Variants in IQUB observed in about 807,000 individuals in gnomAD.
The protein encoded by IQUB is IQ motif and ubiquitin domain containing.
Under a neutral mutation model 86.4 loss-of-function variants are expected in IQUB, and 86 were observed. That is an observed-to-expected ratio of 1.00 (90% CI 0.84 to 1.19). IQUB has a LOEUF of 1.19. Ranked by LOEUF, IQUB falls within the 50% of genes most tolerant of loss-of-function variation. The pLI is 0.00. For missense variants in IQUB, 946 were observed against 916.9 expected (o/e 1.03, Z -0.41); for synonymous variants, 289 against 304.5 (o/e 0.95, Z 0.53).
intron 1 of IQUB, among the ~76,000 whole-genome samples, chr7:123,527,688 G>C (rs529702354): frequency 1.3e-3 from 199 of 152,282 alleles, no homozygotes; most frequent in African/African-American, 4.7e-3. Context: ...ATCTCCAGCT[G>C]CGTGCTGGGA....
chr7:123,460,145 C>T (rs964685116), intron 11 of IQUB, among the ~76,000 whole-genome samples: 2 of 151,862 alleles, frequency 1.3e-5, no homozygotes, highest in South Asian at 4.1e-4. Context: ...TACTTAGTAG[C>T]GTAAACTTGG....
At chr7:123,455,645 G>T (rs901431561) in intron 12 of IQUB, among the ~76,000 whole-genome samples, 1 of 152,032 alleles carries the variant, frequency 6.6e-6, no homozygotes, top group Admixed American at 6.6e-5. Flanking sequence ...TCACAAATTT[G>T]TCCAATTTCT....
chr7:123,497,101 A>T (rs1167372542), intron 6 of IQUB, among the ~76,000 whole-genome samples, 195 bp from the exon 7 acceptor site: 1 of 152,152 alleles, frequency 6.6e-6, no homozygotes, highest in Non-Finnish European at 1.5e-5. Flanking sequence ...TGACTTTGAC[A>T]TCTCGCAAAT....
At chr7:123,512,826 TC>T (rs1271003928) in intron 1 of IQUB, among the ~76,000 whole-genome samples, 1 of 151,862 alleles carries the variant, frequency 6.6e-6, no homozygotes, top group Non-Finnish European at 1.5e-5. Flanking sequence ...TGACCTCTGC[TC>T]CCCCCAAATA....
At chr7:123,501,047 T>C (rs1297290810) in intron 6 of IQUB, 2 of 152,208 alleles carry the variant, frequency 1.3e-5, no homozygotes, top group African/African-American at 4.8e-5. Flanking sequence ...TCACACACTT[T>C]TGCAGTAGGG....
intron 9 of IQUB, among the ~76,000 whole-genome samples, chr7:123,468,626 T>C (rs1218204390): frequency 1.3e-5 from 2 of 152,212 alleles, no homozygotes; most frequent in South Asian, 4.1e-4. Context: ...CCCGTGACAC[T>C]GGCTGAAGTC....
chr7:123,529,858 C>A (rs1562882079), intron 1 of IQUB, among the ~76,000 whole-genome samples: 1 of 150,940 alleles, frequency 6.6e-6, no homozygotes, highest in Non-Finnish European at 1.5e-5. Context: ...CATGATAAAA[C>A]CCTGTGTCTA....
chr7:123,516,960 G>A (rs1022253945), intron 1 of IQUB, among the ~76,000 whole-genome samples: 4 of 151,852 alleles, frequency 2.6e-5, no homozygotes, highest in African/African-American at 9.7e-5. Context: ...AAGACTCCTG[G>A]GCCAGAGAAA....
Position 123,511,926 on chromosome 7 carries a change from A to G in IQUB, c.397+18T>C. 4.0e-6 allele frequency: 6 copies of G among 1,514,274 alleles called. No individual in the cohort carries two copies. Among genetic ancestry groups the G allele is most frequent in the Non-Finnish European group, 4.5e-6 (5 of 1,122,398 alleles). The allele number at this position is 1,514,274 out of a possible 1,614,324, so 93.8% of individuals were successfully genotyped here. A position where few individuals can be genotyped will look rare whatever the true frequency, so the allele number is the denominator to read the frequency against. The stretch of plus-strand genomic sequence containing the variant: ...TCAAAATGAGAAAATGAAATAGCCT[A>G]TCTTCCTTAGGTAGTACCTGTTGCT... On this transcript the variant is annotated intron_variant, in intron 2 of 12. Coordinates refer to ENST00000324698, the MANE Select transcript of IQUB (RefSeq NM_178827.5).
rs781078105 is a variant in IQUB, at chr7:123,503,253, T to G, written c.643A>C (p.Ile215Leu). 4 of 1,611,846 alleles carry G rather than the reference T, an allele frequency of 2.5e-6. No individual in the cohort carries two copies. In the South Asian group the frequency reaches 3.3e-5, roughly 13 times the overall value. ...TGAGAGACATCAGTTAATCCATCTA[T>G]TCTTCTGACTGGATACAGATCTGGA... Reference protein sequence around the residue: ...TNPDLYPVRRIDGLTDVSQII... With the variant: ...TNPDLYPVRRLDGLTDVSQII... Residue 215 changes from isoleucine (I) to leucine (L), a missense_variant, in exon 4 of 13, where the codon ATA (isoleucine) becomes CTA (leucine). Ile to Leu is a conservative substitution (Grantham distance 5). Transcript: ENST00000324698.
intron 12 of IQUB, among the ~76,000 whole-genome samples, chr7:123,453,924 A>C (rs932770492): frequency 6.6e-6 from 1 of 152,154 alleles, no homozygotes; most frequent in African/African-American, 2.4e-5. Context: ...TATTAATCTT[A>C]ATTGGCCCTC....
chr7:123,487,328 A>G (rs928216333), intron 7 of IQUB, among the ~76,000 whole-genome samples: 2 of 152,158 alleles, frequency 1.3e-5, no homozygotes, highest in African/African-American at 4.8e-5. Context: ...GGTTAAAACA[A>G]TGAGGAAAAT....
chr7:123,468,647 A>AT (rs1794372924), intron 9 of IQUB, among the ~76,000 whole-genome samples: 1 of 152,182 alleles, frequency 6.6e-6, no homozygotes. Flanking sequence ...ATTGTTCAGA[A>AT]TCCACCACAA....
intron 7 of IQUB, 136 bp from the exon 8 acceptor site, chr7:123,480,106 C>T: frequency 1.5e-6 from 1 of 645,500 alleles, no homozygotes; most frequent in Non-Finnish European, 2.5e-6. Flanking sequence ...TATTGTACAC[C>T]TGATGCATGA....
At chr7:123,502,560 A>C in intron 6 of IQUB, 37 bp downstream of exon 6, 2 of 1,585,316 alleles carry the variant, frequency 1.3e-6, no homozygotes, top group Non-Finnish European at 1.7e-6. Context: ...TTATATATCA[A>C]ATTTTTAGTA....
At chr7:123,524,218 T>C (rs1169125802) in intron 1 of IQUB, among the ~76,000 whole-genome samples, 1 of 146,614 alleles carries the variant, frequency 6.8e-6, no homozygotes, top group Non-Finnish European at 1.5e-5. Context: ...AACTTTAAAG[T>C]AGTTTTTTCC....
intron 7 of IQUB, among the ~76,000 whole-genome samples, chr7:123,492,302 A>T (rs1423110532): frequency 1.3e-5 from 2 of 152,230 alleles, no homozygotes; most frequent in African/African-American, 4.8e-5. Context: ...TAAAGGAACG[A>T]CTGGATGTTC....
At position 123,464,898 on chromosome 7, in the gene IQUB, C is replaced by T. The variant is rs756106444; in HGVS notation, c.1693G>A (p.Ala565Thr). The change falls in exon 10 of 13, where the codon GCG becomes ACG. Residue 565 changes from alanine to threonine, a missense_variant. Coordinates refer to ENST00000324698, the MANE Select transcript of IQUB (RefSeq NM_178827.5). Reference protein sequence around the residue: ...HNLEGLRKRIATLFFHYIKTP... With the variant: ...HNLEGLRKRITTLFFHYIKTP... ...TTGATATAATGAAAAAAGAGTGTCG[C>T]AATTCTTTTTCTGAGTCCTTCAAGG... The T allele has an allele frequency of 6.2e-7, 1 of 1,606,842 alleles. No individual in the cohort carries two copies. The highest frequency in any genetic ancestry group is 1.7e-5 in the Admixed American group (1 of 58,770).
chr7:123,501,183 A>G (rs1171936679), intron 6 of IQUB: 3 of 152,168 alleles, frequency 2.0e-5, no homozygotes. Context: ...TTCTTCTCAC[A>G]TGGAATGCAG....
Sources: gnomAD v4.1 joint callset for allele counts (sites outside exome capture counted in the v4.1 genomes callset) on GRCh38, gnomAD v4.1.1 for gene constraint, MANE v1.5 for transcripts, NCBI Gene and HGNC (gene_info 2026-07-23, HGNC 2026-07-21) for gene names.